Variants in DPP10 observed in about 807,000 individuals in gnomAD.
The protein encoded by DPP10 is dipeptidyl peptidase like 10.
DPP10 carries 33 observed loss-of-function variants against 120.9 expected under a neutral mutation model. The observed-to-expected ratio is 0.27, with a 90% confidence interval of 0.21 to 0.37. DPP10 has a LOEUF of 0.37. Ranked by LOEUF, DPP10 falls within the 10% of genes least tolerant of loss-of-function variation. The pLI is 1.00. For synonymous variants in DPP10, 337 were observed against 326.1 expected (o/e 1.03, Z -0.36); for missense variants, 816 against 942.8 (o/e 0.87, Z 1.76).
At chr2:114,930,500 G>A (rs963162189) in intron 1 of DPP10, among the ~76,000 whole-genome samples, 2 of 152,142 alleles carry the variant, frequency 1.3e-5, no homozygotes, top group African/African-American at 4.8e-5. Flanking sequence ...TCTTTGCTAA[G>A]GCTAATAAGG....
chr2:114,571,831 G>A (rs1689672291), intron 1 of DPP10, among the ~76,000 whole-genome samples: 2 of 147,344 alleles, frequency 1.4e-5, no homozygotes, highest in South Asian at 4.2e-4. Flanking sequence ...TTCTGTATAT[G>A]TAGTATATAA....
At chr2:114,695,696 G>T (rs539738612) in intron 1 of DPP10, among the ~76,000 whole-genome samples, 4 of 151,902 alleles carry the variant, frequency 2.6e-5, no homozygotes, top group Admixed American at 2.6e-4. Context: ...CATTTCTCTG[G>T]TCTAATTCTT....
At chr2:115,356,956 G>A (rs146338849) in intron 3 of DPP10, among the ~76,000 whole-genome samples, 83 of 152,248 alleles carry the variant, frequency 5.5e-4, no homozygotes, top group African/African-American at 1.9e-3. Context: ...GCTTTCTATA[G>A]TGGCTGAACT....
At chr2:115,571,305 G>A (rs2081324639) in intron 5 of DPP10, among the ~76,000 whole-genome samples, 1 of 152,070 alleles carries the variant, frequency 6.6e-6, no homozygotes, top group Non-Finnish European at 1.5e-5. Context: ...TGATGCTGAG[G>A]TTTGGGGTAA....
Position 114,836,342 on chromosome 2 carries a change from G to A in DPP10, c.60+393504G>A, listed in dbSNP as rs1012828478. On this transcript the variant is annotated intron_variant, in intron 1 of 25. Coordinates refer to ENST00000410059, the MANE Select transcript of DPP10 (RefSeq NM_020868.6). ...TTCTTTTCTGTTTTCCCTAAGCATTGGCCAGTTTGGGAAATAAAGGGACAG... is the reference window on the plus strand; with the variant it reads ...TTCTTTTCTGTTTTCCCTAAGCATTAGCCAGTTTGGGAAATAAAGGGACAG... 2.6e-4 allele frequency among the ~76,000 whole-genome samples: 39 copies of A among 152,126 alleles called. 1 individual carries two copies. In the Middle Eastern group the frequency reaches 0.01, roughly 40 times the overall value.
intron 1 of DPP10, among the ~76,000 whole-genome samples, chr2:114,686,386 A>C (rs1039381550): frequency 6.6e-6 from 1 of 152,004 alleles, no homozygotes; most frequent in Admixed American, 6.6e-5. Context: ...AAACCAAAAC[A>C]AACAATTTAT....
chr2:114,748,361 A>ATTTT (rs1553418251), intron 1 of DPP10, among the ~76,000 whole-genome samples: 3 of 79,406 alleles, frequency 3.8e-5, no homozygotes, highest in African/African-American at 5.2e-5. Flanking sequence ...ATTTTTTTTT[A>ATTTT]TTTTATTTAT....
intron 1 of DPP10, among the ~76,000 whole-genome samples, chr2:115,298,680 G>C (rs2060994655): frequency 6.6e-6 from 1 of 152,048 alleles, no homozygotes; most frequent in Non-Finnish European, 1.5e-5. Context: ...TCAGCACATA[G>C]TAGAGCCATC....
chr2:115,254,652 A>G (rs1419502187), intron 1 of DPP10, among the ~76,000 whole-genome samples: 1 of 152,216 alleles, frequency 6.6e-6, no homozygotes, highest in East Asian at 1.9e-4. Context: ...TACTTCACAG[A>G]TACAATGGGA....
chr2:115,008,376 T>C (rs1308433069), intron 1 of DPP10, among the ~76,000 whole-genome samples: 1 of 110,538 alleles, frequency 9.0e-6, no homozygotes, highest in Non-Finnish European at 1.9e-5. Flanking sequence ...GCTAGCCATA[T>C]GTAGAAAGCT....
At chr2:114,536,036 T>C (rs1019992840) in intron 1 of DPP10, among the ~76,000 whole-genome samples, 1 of 152,038 alleles carries the variant, frequency 6.6e-6, no homozygotes, top group Non-Finnish European at 1.5e-5. Context: ...AAAACCAGGT[T>C]GGATGCCTCT....
chr2:114,462,153 A>T (rs10208822), intron 1 of DPP10: 46,605 of 984,046 alleles, frequency 0.047, 4,414 homozygotes, highest in African/African-American at 0.37. Flanking sequence ...AATTTTCTTT[A>T]TTAAAAAATA....
chr2:115,767,993 A>G (rs541826142), intron 12 of DPP10, among the ~76,000 whole-genome samples: 3 of 152,334 alleles, frequency 2.0e-5, no homozygotes, highest in Admixed American at 6.5e-5. Flanking sequence ...ATGTGAAGAT[A>G]TGACAGTTCT....
At chr2:115,371,018 G>C (rs1425988169) in intron 3 of DPP10, among the ~76,000 whole-genome samples, 1 of 152,072 alleles carries the variant, frequency 6.6e-6, no homozygotes, top group African/African-American at 2.4e-5. Flanking sequence ...AACATTAAAT[G>C]AATTGTTAAA....
intron 1 of DPP10, among the ~76,000 whole-genome samples, chr2:115,258,583 C>T (rs1267782408): frequency 6.6e-6 from 1 of 152,042 alleles, no homozygotes; most frequent in Non-Finnish European, 1.5e-5. Flanking sequence ...AATAAACATG[C>T]ATTCAACATG....
At chr2:115,678,022 A>G (rs201367318) in intron 5 of DPP10, among the ~76,000 whole-genome samples, 3 of 152,254 alleles carry the variant, frequency 2.0e-5, no homozygotes, top group East Asian at 3.8e-4. Context: ...AGAGCCAAAA[A>G]CAAGTCTCAA....
At chr2:115,156,804 G>A (rs970090550) in intron 1 of DPP10, among the ~76,000 whole-genome samples, 3 of 152,100 alleles carry the variant, frequency 2.0e-5, no homozygotes, top group Non-Finnish European at 4.4e-5. Flanking sequence ...CGATGCCAAT[G>A]TTTCTAAATA....
chr2:115,657,328 T>C (rs1391275990), intron 5 of DPP10, among the ~76,000 whole-genome samples: 1 of 151,794 alleles, frequency 6.6e-6, no homozygotes, highest in African/African-American at 2.4e-5. Flanking sequence ...TTAAAATCAG[T>C]CATTTAAAAC....
intron 1 of DPP10, among the ~76,000 whole-genome samples, chr2:115,257,121 A>T: frequency 6.6e-6 from 1 of 152,164 alleles, no homozygotes; most frequent in East Asian, 1.9e-4. Context: ...TCAACCATTT[A>T]ACCAGTCTCT....
Sources: allele counts gnomAD v4.1 joint callset (sites outside exome capture counted in the v4.1 genomes callset), GRCh38; gene constraint gnomAD v4.1.1; transcripts MANE v1.5; gene names NCBI Gene and HGNC (gene_info 2026-07-23, HGNC 2026-07-21).